The following FCHSD2 variants were observed in gnomAD, a reference collection of about 807,000 sequenced individuals.
FCHSD2 encodes FCH and double SH3 domains 2.
In FCHSD2, 38 loss-of-function variants were observed where a neutral mutation model predicts 108.1. The observed-to-expected ratio is 0.35, with a 90% CI of 0.27 to 0.46. The LOEUF is 0.46. FCHSD2 is among the 20% of genes least tolerant of loss of function. The pLI is 1.00. For missense variants in FCHSD2, 751 were observed against 897.8 expected, an observed-to-expected ratio of 0.84 and a Z score of 2.09; for synonymous variants, 279 against 314.7, an observed-to-expected ratio of 0.89 and a Z score of 1.20.
At chr11:73,119,302 CAAA>C (rs879738413) in intron 2 of FCHSD2, among the ~76,000 whole-genome samples, 1 of 103,970 alleles carries the variant, frequency 9.6e-6, no homozygotes. Context: ...GACTCTGCCT[CAAA>C]AAAAAAAAAA....
At chr11:72,902,506 G>A (rs1316330716) in intron 10 of FCHSD2, 37 bp downstream of exon 10, 2 of 1,411,024 alleles carry the variant, frequency 1.4e-6, no homozygotes, top group Non-Finnish European at 2.0e-6. Context: ...AAACACAACT[G>A]AACAACACAT....
At chr11:72,941,229 T>A (rs1856411587) in intron 8 of FCHSD2, 1 of 248,166 alleles carries the variant, frequency 4.0e-6, no homozygotes, top group African/African-American at 2.2e-5. Flanking sequence ...ACATGAGTCT[T>A]GTTCACTATG....
At chr11:72,983,375 C>T (rs1857253166) in intron 8 of FCHSD2, among the ~76,000 whole-genome samples, 3 of 151,664 alleles carry the variant, frequency 2.0e-5, no homozygotes, top group South Asian at 2.1e-4. Context: ...GAGGATGAGG[C>T]GGGAGGATTG....
intron 2 of FCHSD2, among the ~76,000 whole-genome samples, chr11:73,084,750 G>T (rs1408105838): frequency 2.0e-5 from 3 of 152,148 alleles, no homozygotes; most frequent in Non-Finnish European, 4.4e-5. Flanking sequence ...TTTTAATGAT[G>T]ATTGGCAGTA....
chr11:72,957,887 T>C (rs894464103), intron 8 of FCHSD2, among the ~76,000 whole-genome samples: 2 of 152,212 alleles, frequency 1.3e-5, no homozygotes, highest in Non-Finnish European at 2.9e-5. Flanking sequence ...CTGGGGCATA[T>C]AGGAGTTTGT....
chr11:73,118,268 G>A (rs553098045), intron 2 of FCHSD2, among the ~76,000 whole-genome samples: 121 of 152,240 alleles, frequency 7.9e-4, no homozygotes, highest in African/African-American at 2.6e-3. Context: ...GCGGTGAGCC[G>A]AGACTGTGCC....
intron 3 of FCHSD2, among the ~76,000 whole-genome samples, chr11:73,071,984 A>G (rs961876009): frequency 6.6e-6 from 1 of 152,144 alleles, no homozygotes; most frequent in African/African-American, 2.4e-5. Context: ...AGAGGTGCCT[A>G]TAAAAAATCT....
chr11:73,133,124 G>A (rs1452888948), intron 2 of FCHSD2, among the ~76,000 whole-genome samples: 2 of 152,064 alleles, frequency 1.3e-5, no homozygotes, highest in South Asian at 2.1e-4. Context: ...AACATGCACT[G>A]GCCATGACGT....
At chr11:72,872,659 T>C (rs768785468) in intron 12 of FCHSD2, among the ~76,000 whole-genome samples, 31 of 152,346 alleles carry the variant, frequency 2.0e-4, no homozygotes, top group Middle Eastern at 3.4e-3. Flanking sequence ...CATTCTATTG[T>C]ATGGATATAC....
chr11:72,943,456 G>C (rs1591421321), intron 8 of FCHSD2, among the ~76,000 whole-genome samples: 1 of 152,264 alleles, frequency 6.6e-6, no homozygotes, highest in East Asian at 1.9e-4. Context: ...TCAGGAAAAA[G>C]ACAGCACAGA....
intron 4 of FCHSD2, among the ~76,000 whole-genome samples, chr11:73,005,919 T>A (rs1446747798): frequency 1.3e-5 from 2 of 151,348 alleles, no homozygotes; most frequent in African/African-American, 4.9e-5. Context: ...TTTTTTTTTT[T>A]TTTTAAAGAG....
At chr11:73,079,553 AT>A (rs1224607121) in intron 3 of FCHSD2, among the ~76,000 whole-genome samples, 1 of 152,142 alleles carries the variant, frequency 6.6e-6, no homozygotes, top group Non-Finnish European at 1.5e-5. Context: ...TCCTGTCCCC[AT>A]ACAGGAAATG....
chr11:72,870,440 C>T (rs577466780), intron 12 of FCHSD2, among the ~76,000 whole-genome samples: 1 of 152,182 alleles, frequency 6.6e-6, no homozygotes, highest in South Asian at 2.1e-4. Flanking sequence ...CAAGAAAAGA[C>T]TGAATAGGCT....
chr11:72,844,692 C>T (rs1861071431), intron 14 of FCHSD2, among the ~76,000 whole-genome samples: 2 of 152,150 alleles, frequency 1.3e-5, no homozygotes, highest in Admixed American at 6.5e-5. Context: ...CCCCAAGTCC[C>T]AAGATGGGTT....
In FCHSD2 at chr11:73,134,336, G is replaced by A. The variant is rs1259026326; in HGVS notation, c.119+5695C>T. ...AAATACAAAATTAGCCAGGCATGGT[G>A]GTGCATGCCTGTGGTCCCAGCTACT... is the stretch of plus-strand genomic sequence containing the variant. On this transcript the variant is annotated intron_variant, in intron 2 of 19. Coordinates refer to ENST00000409418, the MANE Select transcript of FCHSD2 (RefSeq NM_014824.3). Among the ~76,000 whole-genome samples the A allele has an allele frequency of 2.0e-5, 3 of 152,062 alleles. No homozygotes were observed. The South Asian group carries it at 6.2e-4, about 32-fold the overall frequency.
chr11:73,139,999 A>T, intron 2 of FCHSD2, 32 bp downstream of exon 2: 2 of 1,208,990 alleles, frequency 1.7e-6, no homozygotes, highest in Non-Finnish European at 2.3e-6. Flanking sequence ...ACAGACAAAC[A>T]GAAGTCCTTG....
intron 3 of FCHSD2, 118 bp from the exon 4 acceptor site, chr11:73,016,003 T>A: frequency 3.1e-6 from 2 of 645,564 alleles, no homozygotes; most frequent in South Asian, 2.2e-5. Flanking sequence ...AATTCAGAAG[T>A]GAAAAAAAAC....
At chr11:72,850,991 G>C (rs756476714) in intron 13 of FCHSD2, among the ~76,000 whole-genome samples, 1 of 150,582 alleles carries the variant, frequency 6.6e-6, no homozygotes, top group African/African-American at 2.4e-5. Flanking sequence ...CCCAGCTACT[G>C]CGAAGGCTGA....
At chr11:72,859,926 A>G (rs1169264640) in intron 13 of FCHSD2, among the ~76,000 whole-genome samples, 4 of 152,140 alleles carry the variant, frequency 2.6e-5, no homozygotes, top group Admixed American at 6.5e-5. Context: ...GCTGTCCCCA[A>G]TCTTTTAGGC....
Sources: allele counts gnomAD v4.1 joint callset (sites outside exome capture counted in the v4.1 genomes callset), GRCh38; gene constraint gnomAD v4.1.1; transcripts MANE v1.5; gene names NCBI Gene and HGNC (gene_info 2026-07-23, HGNC 2026-07-21).